Variants in NPSR1 observed in about 807,000 individuals in gnomAD.
NPSR1 encodes neuropeptide S receptor 1.
NPSR1 carries 48 observed loss-of-function variants against 46.9 expected under a neutral mutation model. The observed-to-expected ratio is 1.02, with a 90% CI of 0.81 to 1.30. The LOEUF is 1.30. Ranked by LOEUF, NPSR1 falls within the 50% of genes most tolerant of loss-of-function variation. The pLI, the probability that NPSR1 is intolerant of heterozygous loss-of-function variation, is 0.00. For missense variants in NPSR1, 450 were observed against 449.5 expected (o/e 1.00, Z -0.01); for synonymous variants, 176 against 168.1 (o/e 1.05, Z -0.36).
intron 8 of NPSR1, among the ~76,000 whole-genome samples, chr7:34,861,987 T>C (rs1791200683): frequency 6.6e-6 from 1 of 151,822 alleles, no homozygotes; most frequent in Admixed American, 6.6e-5. Context: ...GATCAGAAAT[T>C]CCAGCAAGAG....
At position 34,797,759 on chromosome 7, in the gene NPSR1, A is replaced by G. The variant is rs534969314; in HGVS notation, c.385-14011A>G. Among the ~76,000 whole-genome samples the G allele has an allele frequency of 9.2e-5, 14 of 152,308 alleles. No homozygotes were observed. In the South Asian group the frequency reaches 2.9e-3, roughly 32 times the overall value. On this transcript the variant is annotated intron_variant, in intron 3 of 8. Transcript: ENST00000360581. Reference sequence around the variant, plus strand: ...ATTCAAACTGCAGAAAACCAAAGACAAAGATAAAATCCTGATAGAAGTTGA... The same window carrying G: ...ATTCAAACTGCAGAAAACCAAAGACGAAGATAAAATCCTGATAGAAGTTGA...
At chr7:34,785,185 G>A (rs1040818447) in intron 3 of NPSR1, among the ~76,000 whole-genome samples, 18 of 151,770 alleles carry the variant, frequency 1.2e-4, no homozygotes, top group African/African-American at 4.4e-4. Context: ...TATACACCAC[G>A]GAATACTATG....
chr7:34,754,553 C>G (rs1179599462), intron 2 of NPSR1, among the ~76,000 whole-genome samples: 3 of 152,000 alleles, frequency 2.0e-5, no homozygotes, highest in African/African-American at 4.8e-5. Context: ...CCTCTTCCCC[C>G]CACCAAGAGT....
chr7:34,676,649 G>C (rs1792329579), intron 1 of NPSR1, among the ~76,000 whole-genome samples: 1 of 152,156 alleles, frequency 6.6e-6, no homozygotes, highest in Admixed American at 6.5e-5. Context: ...ATTTGACTGA[G>C]TATAACTTAC....
chr7:34,687,122 A>G (rs1583809176), intron 2 of NPSR1, among the ~76,000 whole-genome samples: 1 of 151,124 alleles, frequency 6.6e-6, no homozygotes, highest in African/African-American at 2.4e-5. Flanking sequence ...CCGTGATCTC[A>G]GAGACCCCAC....
At chr7:34,667,967 T>G (rs1791837387) in intron 1 of NPSR1, among the ~76,000 whole-genome samples, 1 of 151,966 alleles carries the variant, frequency 6.6e-6, no homozygotes, top group Admixed American at 6.6e-5. Flanking sequence ...AAGTGTCTCT[T>G]CTTATAACCC....
At chr7:34,853,971 AAAAAAAAACAAAAAAC>A (rs1169189640), downstream of NPSR1, among the ~76,000 whole-genome samples, 14 of 151,818 alleles carry the variant, frequency 9.2e-5, 1 homozygote, top group Non-Finnish European at 1.6e-4. Flanking sequence ...TGCCTGGAAA[AAAAAAAAACAAAAAAC>A]AAAAAAAACA....
chr7:34,854,313 TTAC>T (rs1168801652), downstream of NPSR1, among the ~76,000 whole-genome samples: 1 of 152,174 alleles, frequency 6.6e-6, no homozygotes, highest in Non-Finnish European at 1.5e-5. Flanking sequence ...TTATCCAAAC[TTAC>T]TAGTAATTAT....
At chr7:34,671,710 CCTT>C (rs777288907) in intron 1 of NPSR1, among the ~76,000 whole-genome samples, 12 of 152,180 alleles carry the variant, frequency 7.9e-5, no homozygotes, top group Non-Finnish European at 1.3e-4. Flanking sequence ...TAGCAGGAAT[CCTT>C]CTGCTGAGCC....
At chr7:34,754,863 T>C (rs1333047011) in intron 2 of NPSR1, among the ~76,000 whole-genome samples, 2 of 152,224 alleles carry the variant, frequency 1.3e-5, no homozygotes, top group East Asian at 3.9e-4. Flanking sequence ...TTCTCCACAT[T>C]TCATATAAAT....
intron 2 of NPSR1, chr7:34,751,667 C>CCAGG: frequency 6.3e-7 from 1 of 1,593,092 alleles, no homozygotes; most frequent in Non-Finnish European, 8.6e-7. Flanking sequence ...ACATCCCCAG[C>CCAGG]CAGGGACAAG....
At chr7:34,697,922 C>G (rs967312878) in intron 2 of NPSR1, among the ~76,000 whole-genome samples, 1 of 151,894 alleles carries the variant, frequency 6.6e-6, no homozygotes, top group African/African-American at 2.4e-5. Flanking sequence ...ATTAAAATAA[C>G]AAGATTGTCA....
At chr7:34,699,381 C>T (rs1366064248) in intron 2 of NPSR1, among the ~76,000 whole-genome samples, 1 of 152,202 alleles carries the variant, frequency 6.6e-6, no homozygotes, top group Admixed American at 6.5e-5. Flanking sequence ...TGCATTCCTG[C>T]AATGCTAACA....
At chr7:34,790,868 G>C (rs901537469) in intron 3 of NPSR1, among the ~76,000 whole-genome samples, 1 of 115,290 alleles carries the variant, frequency 8.7e-6, no homozygotes. Flanking sequence ...TGTTATATAT[G>C]TTATATGTTA....
At chr7:34,854,264 TG>T (rs1791004628), downstream of NPSR1, among the ~76,000 whole-genome samples, 1 of 152,276 alleles carries the variant, frequency 6.6e-6, no homozygotes, top group East Asian at 1.9e-4. Flanking sequence ...ATAAAACAGC[TG>T]GGATAAACAG....
At chr7:34,706,498 C>T (rs1017281962) in intron 2 of NPSR1, among the ~76,000 whole-genome samples, 2 of 152,078 alleles carry the variant, frequency 1.3e-5, no homozygotes, top group Non-Finnish European at 2.9e-5. Context: ...ATTAGCAGTG[C>T]TAATTCTACT....
chr7:34,827,315 C>T (rs1789902211), intron 4 of NPSR1, 86 bp from the exon 5 acceptor site: 6 of 1,174,114 alleles, frequency 5.1e-6, no homozygotes, highest in Non-Finnish European at 7.5e-6. Context: ...GGCTGCCCCA[C>T]AGTGATCCTT....
chr7:34,685,752 A>G (rs537341237), intron 2 of NPSR1: 3 of 400,126 alleles, frequency 7.5e-6, no homozygotes, highest in African/African-American at 6.6e-5. Flanking sequence ...CTAACAAAGT[A>G]TAACAAGCCC....
At chr7:34,728,348 G>T (rs956120859) in intron 2 of NPSR1, among the ~76,000 whole-genome samples, 3 of 152,164 alleles carry the variant, frequency 2.0e-5, no homozygotes, top group African/African-American at 7.2e-5. Flanking sequence ...TCTGGGCCAA[G>T]GAGGCATGCT....
Sources: gnomAD v4.1 joint callset for allele counts (sites outside exome capture counted in the v4.1 genomes callset) on GRCh38, gnomAD v4.1.1 for gene constraint, MANE v1.5 for transcripts, NCBI Gene and HGNC (gene_info 2026-07-23, HGNC 2026-07-21) for gene names.